Variants in TCERG1L observed in about 807,000 individuals in gnomAD.
TCERG1L encodes transcription elongation regulator 1-like protein.
TCERG1L carries 37 observed loss-of-function variants against 56.3 expected under a neutral mutation model. The ratio of observed to expected loss-of-function variants is 0.66; its 90% CI spans 0.51 to 0.87. The LOEUF (loss-of-function observed/expected upper bound fraction) is 0.87, where lower values mean the gene tolerates loss of function less well. TCERG1L is among the 40% of genes least tolerant of loss of function. TCERG1L has a pLI of 0.00. For missense variants in TCERG1L, 799 were observed against 774.2 expected (o/e 1.03, Z -0.38); for synonymous variants, 324 against 326.3 (o/e 0.99, Z 0.08).
intron 1 of TCERG1L, among the ~76,000 whole-genome samples, chr10:131,310,261 A>G (rs1175448244): frequency 1.3e-5 from 2 of 152,240 alleles, no homozygotes; most frequent in Non-Finnish European, 2.9e-5. Flanking sequence ...CTCTGATATA[A>G]CACCCCTCCA....
At chr10:131,246,708 T>C (rs1846043655) in intron 4 of TCERG1L, among the ~76,000 whole-genome samples, 1 of 150,584 alleles carries the variant, frequency 6.6e-6, no homozygotes, top group South Asian at 2.2e-4. Context: ...CAGAAGTCCG[T>C]AGCAAAGGAG....
intron 8 of TCERG1L, among the ~76,000 whole-genome samples, 193 bp from the exon 9 acceptor site, chr10:131,117,127 G>A (rs899112562): frequency 9.2e-5 from 14 of 152,186 alleles, no homozygotes; most frequent in African/African-American, 3.4e-4. Context: ...GCTTGGCTGT[G>A]TTCAGGGTGG....
chr10:131,101,473 A>G (rs1589774581), intron 10 of TCERG1L, among the ~76,000 whole-genome samples: 1 of 152,256 alleles, frequency 6.6e-6, no homozygotes, highest in South Asian at 2.1e-4. Context: ...TGGCACAGAG[A>G]GAGAACAACT....
At chr10:131,228,247 A>G (rs1403563508) in intron 4 of TCERG1L, among the ~76,000 whole-genome samples, 3 of 114,456 alleles carry the variant, frequency 2.6e-5, no homozygotes, top group South Asian at 7.1e-4. Flanking sequence ...TCTCCCCTCC[A>G]GACAGGCATT....
At chr10:131,297,029 G>A (rs1477601323) in intron 3 of TCERG1L, among the ~76,000 whole-genome samples, 1 of 152,140 alleles carries the variant, frequency 6.6e-6, no homozygotes, top group East Asian at 1.9e-4. Context: ...TCTGCACATA[G>A]AGACAGTTTT....
intron 6 of TCERG1L, among the ~76,000 whole-genome samples, chr10:131,152,415 C>T (rs10829926): frequency 0.2 from 30,697 of 152,156 alleles, 3,452 homozygotes; most frequent in East Asian, 0.34. Flanking sequence ...TCCTCATCTC[C>T]ATCTGAGACC....
intron 4 of TCERG1L, among the ~76,000 whole-genome samples, chr10:131,208,880 AC>A (rs1250804315): frequency 6.6e-6 from 1 of 151,990 alleles, no homozygotes; most frequent in Non-Finnish European, 1.5e-5. Flanking sequence ...ACATGGTAAA[AC>A]CGCGTCTCTA....
intron 4 of TCERG1L, among the ~76,000 whole-genome samples, chr10:131,213,297 A>C (rs1284277121): frequency 1.3e-5 from 2 of 152,214 alleles, no homozygotes; most frequent in African/African-American, 4.8e-5. Flanking sequence ...ACCTGCACCC[A>C]GGCTCACCCG....
At chr10:131,282,137 GAAAAAA>G (rs543405432) in intron 3 of TCERG1L, among the ~76,000 whole-genome samples, 6 of 92,544 alleles carry the variant, frequency 6.5e-5, no homozygotes, top group African/African-American at 8.9e-5. Context: ...CTCCATCTCA[GAAAAAA>G]AAAAAAAAAA....
chr10:131,215,262 C>T (rs1041990501), intron 4 of TCERG1L, among the ~76,000 whole-genome samples: 2 of 152,148 alleles, frequency 1.3e-5, no homozygotes, highest in Non-Finnish European at 2.9e-5. Context: ...TCCACGTCGC[C>T]CCACAGGGAG....
chr10:131,154,864 G>A (rs1482543742), intron 6 of TCERG1L, among the ~76,000 whole-genome samples: 6 of 152,242 alleles, frequency 3.9e-5, no homozygotes, highest in Non-Finnish European at 2.9e-5. Flanking sequence ...GGGGCAGCCT[G>A]GGCCAGGCAC....
intron 4 of TCERG1L, among the ~76,000 whole-genome samples, chr10:131,253,820 A>G (rs1354876386): frequency 6.6e-6 from 1 of 152,114 alleles, no homozygotes; most frequent in South Asian, 2.1e-4. Context: ...CTTTGTCCCA[A>G]GAATTGTTCC....
chr10:131,288,157 G>C (rs527606998), intron 3 of TCERG1L, among the ~76,000 whole-genome samples: 2 of 152,290 alleles, frequency 1.3e-5, no homozygotes, highest in African/African-American at 4.8e-5. Flanking sequence ...GTCTCTGAAG[G>C]CTTGTCTGTG....
At chr10:131,253,662 G>A (rs939084957) in intron 4 of TCERG1L, among the ~76,000 whole-genome samples, 4 of 152,178 alleles carry the variant, frequency 2.6e-5, no homozygotes, top group Admixed American at 6.5e-5. Context: ...GAAGGTCTGC[G>A]GAGTAGGGCA....
At chr10:131,150,581 G>A (rs1589729265) in intron 6 of TCERG1L, among the ~76,000 whole-genome samples, 1 of 152,210 alleles carries the variant, frequency 6.6e-6, no homozygotes, top group South Asian at 2.1e-4. Flanking sequence ...AGCCAGTTGA[G>A]GGCCAGAGGA....
At chr10:131,150,714 T>C (rs10765042) in intron 6 of TCERG1L, among the ~76,000 whole-genome samples, 3 of 152,060 alleles carry the variant, frequency 2.0e-5, no homozygotes, top group South Asian at 2.1e-4. Context: ...TGGGCCCCGA[T>C]AGCACACGTG....
chr10:131,178,454 G>A (rs1027266763), intron 4 of TCERG1L, among the ~76,000 whole-genome samples: 5 of 152,228 alleles, frequency 3.3e-5, no homozygotes, highest in Non-Finnish European at 5.9e-5. Context: ...ACCAGATGGC[G>A]GCATGTGCTT....
At chr10:131,115,914 C>A (rs1025491958) in intron 9 of TCERG1L, among the ~76,000 whole-genome samples, 1 of 152,208 alleles carries the variant, frequency 6.6e-6, no homozygotes, top group Admixed American at 6.5e-5. Flanking sequence ...CCCCTGCCCC[C>A]TCTCCAGGAC....
intron 4 of TCERG1L, among the ~76,000 whole-genome samples, chr10:131,221,430 A>C (rs540228594): frequency 1.3e-5 from 2 of 152,228 alleles, no homozygotes; most frequent in Non-Finnish European, 2.9e-5. Flanking sequence ...GACCCCACCT[A>C]GGGTGACAGC....
Sources: allele counts gnomAD v4.1 joint callset (sites outside exome capture counted in the v4.1 genomes callset), GRCh38; gene constraint gnomAD v4.1.1; transcripts MANE v1.5; gene names NCBI Gene and HGNC (gene_info 2026-07-23, HGNC 2026-07-21).